Variants in FRMD4B observed in about 807,000 individuals in gnomAD.
FRMD4B encodes the protein FERM domain-containing protein 4B.
In FRMD4B, 74 loss-of-function variants were observed where a neutral mutation model predicts 141.5. That is an observed-to-expected ratio of 0.52 (90% CI 0.43 to 0.63). FRMD4B has a LOEUF of 0.63. Ranked by LOEUF, FRMD4B falls within the 30% of genes least tolerant of loss-of-function variation. The pLI is 0.00. For missense variants in FRMD4B, 1,366 were observed against 1,253.4 expected, an observed-to-expected ratio of 1.09 and a Z score of -1.36; for synonymous variants, 506 against 467.9, an observed-to-expected ratio of 1.08 and a Z score of -1.05.
At chr3:69,268,101 T>A (rs1415393983) in intron 5 of FRMD4B, among the ~76,000 whole-genome samples, 1 of 151,974 alleles carries the variant, frequency 6.6e-6, no homozygotes, top group African/African-American at 2.4e-5. Flanking sequence ...CTCTACTTCA[T>A]TCCCTCTAAG....
In FRMD4B at chr3:69,181,679, G is replaced by T. The variant is rs538012715; in HGVS notation, c.2071C>A (p.Arg691=). The T allele has an allele frequency of 1.9e-6, 3 of 1,612,906 alleles. No individual in the cohort carries two copies. Among genetic ancestry groups the T allele is most frequent in the East Asian group, 4.5e-5 (2 of 44,868 alleles). The part of the protein sequence containing the change: ...PESSSQHCRQ[R]SGSLESQSHL... Reference sequence around the variant, plus strand: ...GACTGGGACTCCAGGCTTCCACTCCGCTGGCGGCAGTGCTGAGATGAAGAT... The same window carrying T: ...GACTGGGACTCCAGGCTTCCACTCCTCTGGCGGCAGTGCTGAGATGAAGAT... The change falls in exon 21 of 23, where the codon CGG becomes AGG. Residue 691 remains arginine (R), a synonymous_variant. Coordinates refer to ENST00000398540, the MANE Select transcript of FRMD4B (RefSeq NM_015123.3).
intron 1 of FRMD4B, among the ~76,000 whole-genome samples, chr3:69,506,298 A>G: frequency 6.6e-6 from 1 of 152,068 alleles, no homozygotes; most frequent in East Asian, 1.9e-4. Context: ...ATTCTCTTAC[A>G]TGTCAATTAG....
chr3:69,212,437 GT>G (rs1266355606), intron 11 of FRMD4B, among the ~76,000 whole-genome samples: 1 of 150,600 alleles, frequency 6.6e-6, no homozygotes, highest in Non-Finnish European at 1.5e-5. Flanking sequence ...ACTGTGTAGG[GT>G]CTTTTTAAAA....
chr3:69,420,105 C>G (rs1416016899), intron 2 of FRMD4B, among the ~76,000 whole-genome samples: 1 of 152,168 alleles, frequency 6.6e-6, no homozygotes, highest in African/African-American at 2.4e-5. Flanking sequence ...GATCCATCTG[C>G]CTTGGCCTCC....
At chr3:69,191,005 C>G (rs1054785731) in intron 17 of FRMD4B, among the ~76,000 whole-genome samples, 1 of 152,234 alleles carries the variant, frequency 6.6e-6, no homozygotes, top group Admixed American at 6.5e-5. Context: ...CCTAGCCCAG[C>G]TCCCAGCATT....
At chr3:69,338,671 G>A (rs145960115) in intron 1 of FRMD4B, among the ~76,000 whole-genome samples, 272 of 152,162 alleles carry the variant, frequency 1.8e-3, no homozygotes, top group Non-Finnish European at 3.5e-3. Context: ...AACAGACACC[G>A]AGGCCTACTT....
At chr3:69,537,680 T>A (rs1701108864) in intron 1 of FRMD4B, among the ~76,000 whole-genome samples, 1 of 152,222 alleles carries the variant, frequency 6.6e-6, no homozygotes, top group Non-Finnish European at 1.5e-5. Context: ...TAAGTCCTGA[T>A]ATTGACCACG....
intron 1 of FRMD4B, among the ~76,000 whole-genome samples, chr3:69,343,825 C>T (rs1037261321): frequency 2.0e-5 from 3 of 152,064 alleles, no homozygotes; most frequent in Non-Finnish European, 4.4e-5. Flanking sequence ...AGTGATCTGC[C>T]CACCTCAGCC....
intron 18 of FRMD4B, among the ~76,000 whole-genome samples, chr3:69,189,647 G>A (rs1486139007): frequency 6.6e-6 from 1 of 152,198 alleles, no homozygotes; most frequent in East Asian, 1.9e-4. Context: ...GAGAGACTTA[G>A]ATACTCCCGT....
chr3:69,335,139 C>A (rs1702499042), intron 1 of FRMD4B, among the ~76,000 whole-genome samples: 1 of 152,102 alleles, frequency 6.6e-6, no homozygotes, highest in Admixed American at 6.6e-5. Flanking sequence ...CACGCCACTG[C>A]ACTTCAGCTT....
intron 1 of FRMD4B, among the ~76,000 whole-genome samples, chr3:69,340,343 G>A (rs2107373274): frequency 6.6e-6 from 1 of 152,162 alleles, no homozygotes; most frequent in South Asian, 2.1e-4. Context: ...TTGCCTTGGT[G>A]TCTGTTGTTC....
Position 69,386,068 on chromosome 3 carries a change from C to A in FRMD4B, c.-79G>T. ...GACCCCAGCGGCCTGCCCGCCTGGG[C>A]TCCCGACGCCGGCTTCTGCTGGCAG... On this transcript the variant is annotated 5_prime_UTR_variant, in exon 1 of 23. Transcript: ENST00000398540. The A allele has an allele frequency of 1.6e-6, 2 of 1,266,920 alleles. No individual in the cohort carries two copies. Among genetic ancestry groups the A allele is most frequent in the Non-Finnish European group, 2.1e-6 (2 of 960,648 alleles). 78.5% of individuals were successfully genotyped at this position (1,266,920 alleles called of 1,614,324 possible).
chr3:69,335,550 T>C (rs112995093), intron 1 of FRMD4B, among the ~76,000 whole-genome samples: 2,685 of 151,776 alleles, frequency 0.018, 94 homozygotes, highest in African/African-American at 0.061. Flanking sequence ...TTTTGCATCC[T>C]TGTGATCTGC....
intron 2 of FRMD4B, among the ~76,000 whole-genome samples, chr3:69,402,110 ATTATCCAATATCCGT>A (rs1251261098): frequency 7.2e-5 from 11 of 152,168 alleles, no homozygotes; most frequent in African/African-American, 2.7e-4. Flanking sequence ...GTCATGGGTG[ATTATCCAATATCCGT>A]TCTACCCAAA....
intron 1 of FRMD4B, among the ~76,000 whole-genome samples, chr3:69,340,638 G>C (rs1474629912): frequency 1.3e-5 from 2 of 152,120 alleles, no homozygotes; most frequent in African/African-American, 4.8e-5. Flanking sequence ...CTTGATACCT[G>C]GTTTCCTGAT....
intron 1 of FRMD4B, among the ~76,000 whole-genome samples, chr3:69,512,192 T>C (rs936173633): frequency 7.2e-5 from 11 of 152,172 alleles, no homozygotes; most frequent in Non-Finnish European, 4.4e-5. Context: ...CTCACCATAG[T>C]GAGGCACTGC....
At chr3:69,430,929 T>C (rs1705168576) in intron 2 of FRMD4B, among the ~76,000 whole-genome samples, 1 of 152,214 alleles carries the variant, frequency 6.6e-6, no homozygotes, top group Non-Finnish European at 1.5e-5. Context: ...ACAATATTTT[T>C]GGAAGCTCAC....
chr3:69,191,444 A>C (rs945027668), intron 17 of FRMD4B, among the ~76,000 whole-genome samples: 1 of 144,106 alleles, frequency 6.9e-6, no homozygotes, highest in Non-Finnish European at 1.5e-5. Flanking sequence ...AAAAACAAAC[A>C]AAAAAACAAA....
chr3:69,221,853 C>T lies in FRMD4B; in HGVS notation c.731+5G>A. The T allele has an allele frequency of 6.9e-7, 1 of 1,445,818 alleles. No homozygotes were observed. The highest frequency in any genetic ancestry group is 9.7e-7 in the Non-Finnish European group (1 of 1,033,440). The allele number at this position is 1,445,818 out of a possible 1,614,324, so 89.6% of individuals were successfully genotyped here. A position where few individuals can be genotyped will look rare whatever the true frequency, so the allele number is the denominator to read the frequency against. On this transcript the variant is annotated splice_donor_5th_base_variant and intron_variant, in intron 9 of 22. Transcript: ENST00000398540. ...TTATATCTAAGCAAAAGGAAAGATA[C>T]TTACTGAACCACAGCTTGACCTCGA...
Sources: allele counts gnomAD v4.1 joint callset (sites outside exome capture counted in the v4.1 genomes callset), GRCh38; gene constraint gnomAD v4.1.1; transcripts MANE v1.5; gene names NCBI Gene and HGNC (gene_info 2026-07-23, HGNC 2026-07-21).